FBXL7: variants seen among roughly 807,000 people sequenced by gnomAD.
FBXL7 encodes the protein F-box and leucine rich repeat protein 7.
In FBXL7, 12 loss-of-function variants were observed where a neutral mutation model predicts 38.3. That is an observed-to-expected ratio of 0.31 (90% CI 0.20 to 0.51). The LOEUF is 0.51. Among genes scored for constraint, FBXL7 ranks in the 20% least tolerant of loss-of-function variants. The probability of loss-of-function intolerance (pLI) is 0.98; values close to 1 mark genes in which losing one functional copy is unlikely to be tolerated. For missense variants in FBXL7, 567 were observed against 676.4 expected (o/e 0.84, Z 1.79); for synonymous variants, 297 against 300.9 (o/e 0.99, Z 0.13).
chr5:15,800,000 G>A lies in FBXL7; in HGVS notation c.128-127890G>A, dbSNP rs186475046. ...TCTTACACAAGCTTCTTTTTGAAGC[G>A]GTCAGGAAACAGTGATTTTGGGAGG... On this transcript the variant is annotated intron_variant, in intron 2 of 3. Transcript: ENST00000504595. Among the ~76,000 whole-genome samples the A allele has an allele frequency of 1.6e-3, 249 of 152,126 alleles. 3 individuals are homozygous for A. The highest frequency in any genetic ancestry group is 2.6e-3 in the Non-Finnish European group (179 of 68,006).
chr5:15,674,830 G>A (rs565115620), intron 2 of FBXL7, among the ~76,000 whole-genome samples: 1 of 152,272 alleles, frequency 6.6e-6, no homozygotes, highest in East Asian at 1.9e-4. Flanking sequence ...TTAAGAAGTT[G>A]TCTTAGTGAA....
At chr5:15,622,021 A>G (rs1201951509) in intron 2 of FBXL7, among the ~76,000 whole-genome samples, 1 of 152,236 alleles carries the variant, frequency 6.6e-6, no homozygotes, top group African/African-American at 2.4e-5. Context: ...GAACAGCAGT[A>G]GAAAGACATG....
At chr5:15,545,437 A>G (rs530073619) in intron 1 of FBXL7, among the ~76,000 whole-genome samples, 1 of 152,368 alleles carries the variant, frequency 6.6e-6, no homozygotes, top group African/African-American at 2.4e-5. Flanking sequence ...AACAAGACAG[A>G]CAATCCCTTC....
In FBXL7 at chr5:15,784,729, G is replaced by A. The variant is rs539904369; in HGVS notation, c.128-143161G>A. ...GATCCTGCTTCACCTTCTGCTGTGT[G>A]TAAAAGCTCCCTGAGGCCTCCTAGA... On this transcript the variant is annotated intron_variant, in intron 2 of 3. Transcript: ENST00000504595. 5.6e-3 allele frequency among the ~76,000 whole-genome samples: 859 copies of A among 152,244 alleles called. 6 individuals carry two copies. Among genetic ancestry groups the A allele is most frequent in the Non-Finnish European group, 6.3e-3 (430 of 68,018 alleles).
At chr5:15,676,970 T>C (rs1742676825) in intron 2 of FBXL7, among the ~76,000 whole-genome samples, 2 of 152,200 alleles carry the variant, frequency 1.3e-5, no homozygotes, top group Admixed American at 1.3e-4. Flanking sequence ...TTAAATATGG[T>C]TCTCAACTTT....
intron 2 of FBXL7, among the ~76,000 whole-genome samples, chr5:15,707,174 G>GTTTTTTTTTTTTTTT (rs71603796): frequency 2.0e-4 from 14 of 70,392 alleles, no homozygotes; most frequent in African/African-American, 2.9e-4. Flanking sequence ...TTTTCTTTTC[G>GTTTTTTTTTTTTTTT]TTTTTTTTTT....
chr5:15,607,169 G>C (rs1740052687), intron 1 of FBXL7: 1 of 152,112 alleles, frequency 6.6e-6, no homozygotes, highest in South Asian at 2.1e-4. Flanking sequence ...CCTTTGGTAT[G>C]GACACTTAGT....
chr5:15,749,405 T>A (rs528930562), intron 2 of FBXL7, among the ~76,000 whole-genome samples: 1 of 152,098 alleles, frequency 6.6e-6, no homozygotes, highest in East Asian at 1.9e-4. Flanking sequence ...GGCGGGCGAA[T>A]CACGAGGTCA....
chr5:15,814,172 CA>C (rs1346953318), intron 2 of FBXL7, among the ~76,000 whole-genome samples: 2 of 152,128 alleles, frequency 1.3e-5, no homozygotes, highest in Non-Finnish European at 2.9e-5. Flanking sequence ...GACTTGGAAC[CA>C]ACCCAAATGC....
chr5:15,702,727 A>G (rs549502181), intron 2 of FBXL7, among the ~76,000 whole-genome samples: 1 of 152,302 alleles, frequency 6.6e-6, no homozygotes, highest in Admixed American at 6.5e-5. Flanking sequence ...TAATTGAGAA[A>G]ATACTTTCTT....
At chr5:15,559,985 C>T (rs576205823) in intron 1 of FBXL7, among the ~76,000 whole-genome samples, 19 of 152,314 alleles carry the variant, frequency 1.2e-4, no homozygotes, top group African/African-American at 3.1e-4. Context: ...CCTACACTTA[C>T]GGCATGATTG....
chr5:15,800,462 G>A (rs572597516), intron 2 of FBXL7, among the ~76,000 whole-genome samples: 5 of 152,306 alleles, frequency 3.3e-5, no homozygotes, highest in African/African-American at 1.2e-4. Context: ...TAGGCTTAGG[G>A]AATTCATGAA....
At chr5:15,932,042 T>C (rs1030274655) in intron 3 of FBXL7, among the ~76,000 whole-genome samples, 13 of 152,218 alleles carry the variant, frequency 8.5e-5, no homozygotes, top group African/African-American at 3.1e-4. Context: ...ATTTCATTTT[T>C]GCACTTTTAT....
chr5:15,861,887 C>G (rs563644121), intron 2 of FBXL7, among the ~76,000 whole-genome samples: 6 of 152,178 alleles, frequency 3.9e-5, no homozygotes, highest in African/African-American at 1.4e-4. Context: ...TTGCAGTAAT[C>G]TTCTACAAAT....
chr5:15,611,849 G>C (rs1740249179), intron 1 of FBXL7, among the ~76,000 whole-genome samples: 1 of 151,650 alleles, frequency 6.6e-6, no homozygotes, highest in African/African-American at 2.4e-5. Context: ...TGGGTATGGT[G>C]GTGTGCCTGT....
chr5:15,777,720 T>TAAAAAAAA lies in FBXL7; in HGVS notation c.128-150151_128-150144dup, dbSNP rs371293320. 2.9e-4 allele frequency among the ~76,000 whole-genome samples: 24 copies of TAAAAAAAA among 82,524 alleles called. 2 individuals carry two copies. Among genetic ancestry groups the TAAAAAAAA allele is most frequent in the African/African-American group, 1.2e-3 (22 of 17,730 alleles). The allele number at this position is 82,524 out of a possible 152,430, so 54.1% of individuals were successfully genotyped here. ...TATTGTTTGCAAACCCCTATTCTGGTAAAAAAAAAAAAAAAAAAAAAAAAA... is the reference window on the plus strand; with the variant it reads ...TATTGTTTGCAAACCCCTATTCTGGTAAAAAAAAAAAAAAAAAAAAAAAAAAAAAAAAA... On this transcript the variant is annotated intron_variant, in intron 2 of 3. Transcript: ENST00000504595.
rs924166689 is a variant in FBXL7, at chr5:15,938,542, C to G, written c.*1356C>G. ...AGTGTTTAATTGTGCAAATTGCCAC[C>G]CTGTGTACCTCCTCCATGTCTGTCT... On this transcript the variant is annotated 3_prime_UTR_variant, in exon 4 of 4. Coordinates refer to ENST00000504595, the MANE Select transcript of FBXL7 (RefSeq NM_012304.5). The G allele has an allele frequency of 6.5e-6, 1 of 153,622 alleles. No homozygotes were observed. The highest frequency in any genetic ancestry group is 2.4e-5 in the African/African-American group (1 of 41,482). 9.5% of individuals were successfully genotyped at this position (153,622 alleles called of 1,614,324 possible). A position where few individuals can be genotyped will look rare whatever the true frequency, so the allele number is the denominator to read the frequency against.
At chr5:15,706,192 G>C (rs933310043) in intron 2 of FBXL7, among the ~76,000 whole-genome samples, 4 of 152,184 alleles carry the variant, frequency 2.6e-5, no homozygotes, top group Admixed American at 6.5e-5. Context: ...GTGGGGCCTG[G>C]GGGGAGGTGT....
At chr5:15,866,174 C>T (rs555075690) in intron 2 of FBXL7, among the ~76,000 whole-genome samples, 74 of 152,222 alleles carry the variant, frequency 4.9e-4, no homozygotes, top group African/African-American at 1.3e-3. Context: ...AGAAATTGTG[C>T]GAATGAAACA....
Sources: allele counts gnomAD v4.1 joint callset (sites outside exome capture counted in the v4.1 genomes callset), GRCh38; gene constraint gnomAD v4.1.1; transcripts MANE v1.5; gene names NCBI Gene and HGNC (gene_info 2026-07-23, HGNC 2026-07-21).